Variants in EPC2 observed in about 807,000 individuals in gnomAD.
The protein encoded by EPC2 is enhancer of polycomb homolog 2.
Under a neutral mutation model 92.1 loss-of-function variants are expected in EPC2, and 14 were observed. That is an observed-to-expected ratio of 0.15 (90% CI 0.10 to 0.24). EPC2 has a LOEUF of 0.24. EPC2 is among the 10% of genes least tolerant of loss of function. EPC2 has a pLI of 1.00. For synonymous variants in EPC2, 340 were observed against 334.7 expected (o/e 1.02, Z -0.17); for missense variants, 755 against 971.5 (o/e 0.78, Z 2.96).
intron 1 of EPC2, among the ~76,000 whole-genome samples, chr2:148,679,708 C>T (rs954377987): frequency 2.6e-5 from 4 of 152,146 alleles, no homozygotes; most frequent in African/African-American, 9.7e-5. Flanking sequence ...TGCCGTGTTG[C>T]AGTCACAGCT....
intron 2 of EPC2, among the ~76,000 whole-genome samples, chr2:148,700,494 G>A (rs1028740899): frequency 1.4e-4 from 7 of 50,312 alleles, no homozygotes; most frequent in South Asian, 1.8e-3. Context: ...CCTCCCCCCC[G>A]CCCCGCATTG....
rs116661131 is a variant in EPC2 at position 148,729,348 on chromosome 2, T to G, written c.314-14274T>G. ...TAATAAGCCTTTTATTTCGGAAAAT[T>G]TTTAGATTTACTGAAGAGTTGGCAA... On this transcript the variant is annotated intron_variant, in intron 2 of 13. Transcript: ENST00000258484. Among the ~76,000 whole-genome samples, 1,087 of 152,232 alleles carry G rather than the reference T, an allele frequency of 7.1e-3. 5 individuals are homozygous for G. Among genetic ancestry groups the G allele is most frequent in the African/African-American group, 0.025 (1,021 of 41,518 alleles).
chr2:148,756,417 A>G (rs1261787550), intron 4 of EPC2, among the ~76,000 whole-genome samples: 1 of 152,238 alleles, frequency 6.6e-6, no homozygotes, highest in African/African-American at 2.4e-5. Context: ...AGGAGGTGGC[A>G]AGCATTGGGT....
intron 2 of EPC2, among the ~76,000 whole-genome samples, chr2:148,714,771 A>G (rs1436673751): frequency 6.6e-6 from 1 of 151,864 alleles, no homozygotes; most frequent in African/African-American, 2.4e-5. Context: ...TTTTCTTGTA[A>G]ATTTGTTTAA....
At chr2:148,700,934 T>A (rs1000080929) in intron 2 of EPC2, among the ~76,000 whole-genome samples, 33 of 152,230 alleles carry the variant, frequency 2.2e-4, no homozygotes, top group African/African-American at 7.7e-4. Flanking sequence ...TGCATTTTTT[T>A]ATTTCTTTCA....
chr2:148,682,808 C>T (rs755525927), intron 1 of EPC2, among the ~76,000 whole-genome samples: 6 of 152,122 alleles, frequency 3.9e-5, no homozygotes, highest in African/African-American at 9.7e-5. Flanking sequence ...TAGTCCAATA[C>T]GGCCTGAATT....
chr2:148,698,633 CAAAAAAA>C (rs36045036), intron 2 of EPC2, among the ~76,000 whole-genome samples: 1 of 57,008 alleles, frequency 1.8e-5, no homozygotes, highest in Non-Finnish European at 2.8e-5. Flanking sequence ...GACTCCATCT[CAAAAAAA>C]AAAAAAAAAA....
chr2:148,653,371 G>GACCAATGCAGATGGCAGAAGGTC, intron 1 of EPC2, among the ~76,000 whole-genome samples: 1 of 152,332 alleles, frequency 6.6e-6, no homozygotes, highest in South Asian at 2.1e-4. Flanking sequence ...CCCTGAAGGA[G>GACCAATGCAGATGGCAGAAGGTC]ACCAATGCAG....
In EPC2 at chr2:148,679,330, C is replaced by CCA. The variant is rs577284082; in HGVS notation, c.154-10883_154-10882dup. On this transcript the variant is annotated intron_variant, in intron 1 of 13. Coordinates refer to ENST00000258484, the MANE Select transcript of EPC2 (RefSeq NM_015630.4). Reference sequence around the variant, plus strand: ...AATTTGATTCTCTTGTAAAATGATGCCATAACTAAGAGCAAATCACCTGTT... The same window carrying CCA: ...AATTTGATTCTCTTGTAAAATGATGCCACATAACTAAGAGCAAATCACCTGTT... Among the ~76,000 whole-genome samples, 10 of 152,164 alleles carry CCA rather than the reference C, an allele frequency of 6.6e-5. No homozygotes were observed. In the South Asian group the frequency reaches 2.1e-3, roughly 32 times the overall value.
At chr2:148,717,277 T>C (rs1682280856) in intron 2 of EPC2, among the ~76,000 whole-genome samples, 1 of 150,960 alleles carries the variant, frequency 6.6e-6, no homozygotes, top group Non-Finnish European at 1.5e-5. Flanking sequence ...TCTTGTCTAC[T>C]GGTAGCTTTG....
Position 148,771,099 on chromosome 2 carries a change from C to T in EPC2, c.1432C>T (p.Pro478Ser). Residue 478 changes from proline to serine, a missense_variant, in exon 10 of 14, where the codon CCT (proline) becomes TCT (serine). Pro to Ser is a moderately conservative substitution (Grantham distance 74). Transcript: ENST00000258484. ...TGACCCAGTCCTGAAACAGATAGAC[C>T]CTGAAATGCTGAATAGTTTTTCAAG... is the stretch of plus-strand genomic sequence containing the variant. ...EHDPVLKQID[P>S]EMLNSFSSSS... The T allele has an allele frequency of 6.2e-7, 1 of 1,613,212 alleles. No individual in the cohort carries two copies. Among genetic ancestry groups the T allele is most frequent in the Non-Finnish European group, 8.5e-7 (1 of 1,179,468 alleles).
At chr2:148,687,439 G>A (rs1681550289) in intron 1 of EPC2, among the ~76,000 whole-genome samples, 1 of 152,146 alleles carries the variant, frequency 6.6e-6, no homozygotes, top group Admixed American at 6.5e-5. Context: ...CAGAAAATGT[G>A]GCTTTATAAT....
chr2:148,723,826 A>G (rs908271656), intron 2 of EPC2, among the ~76,000 whole-genome samples: 6 of 152,184 alleles, frequency 3.9e-5, no homozygotes, highest in South Asian at 2.1e-4. Flanking sequence ...GATTGAGACA[A>G]TTGGATTTAT....
At chr2:148,698,204 AT>A (rs1443207677) in intron 2 of EPC2, among the ~76,000 whole-genome samples, 6 of 152,188 alleles carry the variant, frequency 3.9e-5, no homozygotes, top group African/African-American at 1.4e-4. Flanking sequence ...CCTCACTAAC[AT>A]TGTTCTTATT....
intron 4 of EPC2, among the ~76,000 whole-genome samples, chr2:148,760,188 C>T (rs1010440176): frequency 2.0e-5 from 3 of 152,026 alleles, no homozygotes; most frequent in Non-Finnish European, 4.4e-5. Context: ...ACCTGGGAGG[C>T]AGAGGTTGCA....
intron 7 of EPC2, among the ~76,000 whole-genome samples, chr2:148,767,197 CAAAAA>C (rs11364622): frequency 1.6e-5 from 2 of 124,326 alleles, no homozygotes; most frequent in African/African-American, 3.1e-5. Flanking sequence ...GACCCTGTTT[CAAAAA>C]AAAAAAAAAA....
intron 1 of EPC2, among the ~76,000 whole-genome samples, chr2:148,663,852 A>G (rs898276591): frequency 1.3e-5 from 2 of 152,164 alleles, no homozygotes; most frequent in African/African-American, 4.8e-5. Flanking sequence ...TGTGCAGTTC[A>G]CAATAGGGTT....
At chr2:148,775,072 G>C (rs925154195) in intron 10 of EPC2, among the ~76,000 whole-genome samples, 5 of 136,220 alleles carry the variant, frequency 3.7e-5, no homozygotes, top group African/African-American at 1.4e-4. Context: ...CTGGGCAGCA[G>C]AGCGAGACTC....
At chr2:148,662,856 T>C (rs972640636) in intron 1 of EPC2, among the ~76,000 whole-genome samples, 11 of 152,078 alleles carry the variant, frequency 7.2e-5, no homozygotes, top group Admixed American at 2.6e-4. Flanking sequence ...AGTTTTATTA[T>C]TTGCTTTCCT....
Sources: allele counts gnomAD v4.1 joint callset (sites outside exome capture counted in the v4.1 genomes callset), GRCh38; gene constraint gnomAD v4.1.1; transcripts MANE v1.5; gene names NCBI Gene and HGNC (gene_info 2026-07-23, HGNC 2026-07-21).